The following RREB1 variants were observed in gnomAD, a reference collection of about 807,000 sequenced individuals.
The protein encoded by RREB1 is ras-responsive element-binding protein 1.
A neutral mutation model predicts 117.8 loss-of-function variants in RREB1; 27 were observed. The observed-to-expected ratio is 0.23, with a 90% confidence interval of 0.17 to 0.32. The LOEUF (loss-of-function observed/expected upper bound fraction) is 0.32, where lower values mean the gene tolerates loss of function less well. RREB1 is among the 10% of genes least tolerant of loss of function. The pLI is 1.00. For missense variants in RREB1, 2,577 were observed against 2,378.2 expected (o/e 1.08, Z -1.74); for synonymous variants, 1,298 against 1,026.7 (o/e 1.26, Z -5.05).
intron 8 of RREB1, chr6:7,218,598 T>G (rs1581554824): frequency 6.6e-6 from 1 of 152,190 alleles, no homozygotes; most frequent in Non-Finnish European, 1.5e-5. Flanking sequence ...CTAGGCTCAG[T>G]TACTGGCTAC....
intron 1 of RREB1, among the ~76,000 whole-genome samples, chr6:7,124,716 T>C (rs1413061523): frequency 6.6e-6 from 1 of 152,260 alleles, no homozygotes; most frequent in Non-Finnish European, 1.5e-5. Context: ...ATCTAACATT[T>C]ATTGAGCCTG....
chr6:7,131,426 C>T (rs1029262813), intron 1 of RREB1, among the ~76,000 whole-genome samples: 1 of 152,130 alleles, frequency 6.6e-6, no homozygotes. Context: ...AGGCATTATA[C>T]CTCTTGCAGT....
chr6:7,179,843 G>A (rs1225867346), intron 2 of RREB1, among the ~76,000 whole-genome samples: 3 of 151,818 alleles, frequency 2.0e-5, no homozygotes, highest in Non-Finnish European at 4.4e-5. Flanking sequence ...TAGAGATAGG[G>A]TCTTGCTGTG....
intron 1 of RREB1, among the ~76,000 whole-genome samples, chr6:7,116,754 A>T (rs1016809547): frequency 2.6e-5 from 4 of 152,264 alleles, no homozygotes; most frequent in Non-Finnish European, 5.9e-5. Context: ...AATTACAGAA[A>T]TTCTAAAATA....
chr6:7,237,021 C>A (rs559275854), intron 10 of RREB1, among the ~76,000 whole-genome samples: 2 of 149,436 alleles, frequency 1.3e-5, no homozygotes, highest in African/African-American at 4.9e-5. Context: ...TGGCTGAGTT[C>A]AAGTGATCCT....
chr6:7,173,215 T>G (rs1412954047), intron 1 of RREB1, among the ~76,000 whole-genome samples: 1 of 152,160 alleles, frequency 6.6e-6, no homozygotes, highest in Non-Finnish European at 1.5e-5. Context: ...GCATCTAAAC[T>G]TATTCCACAT....
chr6:7,249,103 GAC>G lies in RREB1; in HGVS notation c.*137_*138del, dbSNP rs1421253644. On this transcript the variant is annotated 3_prime_UTR_variant, in exon 13 of 13. Transcript: ENST00000379938. Reference sequence around the variant, plus strand: ...AGAGAGAGAGAGAGAGAGAGAGAGAGACAAGCAGGAGCGTGGCTGCTCGCTCA... The same window carrying G: ...AGAGAGAGAGAGAGAGAGAGAGAGAGAAGCAGGAGCGTGGCTGCTCGCTCA... The G allele has an allele frequency of 1.5e-5, 9 of 615,866 alleles. No individual in the cohort carries two copies. The highest frequency in any genetic ancestry group is 6.9e-5 in the Admixed American group (2 of 29,090). 38.2% of individuals were successfully genotyped at this position (615,866 alleles called of 1,614,324 possible). A position where few individuals can be genotyped will look rare whatever the true frequency, so the allele number is the denominator to read the frequency against.
chr6:7,235,729 C>G (rs1036621091), intron 10 of RREB1, among the ~76,000 whole-genome samples: 2 of 152,170 alleles, frequency 1.3e-5, no homozygotes, highest in South Asian at 2.1e-4. Context: ...CTCCTCCTAC[C>G]CCCTCAGCAG....
rs769476572 is a variant in RREB1, at chr6:7,230,912, C to T, written c.2813C>T (p.Ser938Phe). The T allele has an allele frequency of 1.9e-6, 3 of 1,614,138 alleles. No homozygotes were observed. Among genetic ancestry groups the T allele is most frequent in the Non-Finnish European group, 2.5e-6 (3 of 1,180,002 alleles). ...TGCTCCATGGAGCCCATCGACCTGT[C>T]CATCCCCAAGAACTTCAGGAAAGGG... ...YDCSMEPIDL[S>F]IPKNFRKGDK... Residue 938 changes from serine to phenylalanine, a missense_variant, in exon 10 of 13, where the codon TCC becomes TTC. Ser to Phe is a radical substitution (Grantham distance 155). Transcript: ENST00000379938.
At position 7,230,157 on chromosome 6, in the gene RREB1, C is replaced by A; in HGVS notation, c.2058C>A (p.Leu686=). 6.2e-7 allele frequency: 1 copy of A among 1,606,704 alleles called. No individual in the cohort carries two copies. The highest frequency in any genetic ancestry group is 8.5e-7 in the Non-Finnish European group (1 of 1,179,422). Residue 686 remains leucine, a synonymous_variant, in exon 10 of 13, where the codon CTC becomes CTA. Coordinates refer to ENST00000379938, the MANE Select transcript of RREB1 (RefSeq NM_001003699.4). ...ACATCGCCGCCGACAAGGCCGCGCT[C>A]ATCCGCCACCTGCGCACGCACAGTG... ...CDYIAADKAA[L]IRHLRTHSGE... is the part of the protein sequence containing the mutation.
In RREB1 at chr6:7,246,680, G is replaced by A. The variant is rs115475946; in HGVS notation, c.4230G>A (p.Ala1410=). ...ACGCCGACGGCGCGGAAGAGGACGC[G>A]TCGAGCAACCAGAGCCTGGACCTGG... ...TGDADGAEED[A]SSNQSLDLDF... Residue 1410 remains alanine, a synonymous_variant, in exon 12 of 13, where the codon GCG becomes GCA. Transcript: ENST00000379938. 2.0e-3 allele frequency: 3,239 copies of A among 1,582,930 alleles called. 7 individuals are homozygous for A. Among genetic ancestry groups the A allele is most frequent in the Non-Finnish European group, 2.5e-3 (2,931 of 1,164,830 alleles).
chr6:7,236,121 C>T (rs1561802380), intron 10 of RREB1, among the ~76,000 whole-genome samples: 1 of 152,176 alleles, frequency 6.6e-6, no homozygotes, highest in East Asian at 1.9e-4. Context: ...TGCACTGTTC[C>T]TGCCTTTACC....
intron 12 of RREB1, among the ~76,000 whole-genome samples, chr6:7,247,977 C>A (rs1329063420): frequency 6.6e-6 from 1 of 152,248 alleles, no homozygotes; most frequent in Non-Finnish European, 1.5e-5. Context: ...CTGCGCTTGC[C>A]CGTGTGAAGG....
chr6:7,235,261 G>A (rs1768247260), intron 10 of RREB1, among the ~76,000 whole-genome samples: 1 of 152,136 alleles, frequency 6.6e-6, no homozygotes, highest in Non-Finnish European at 1.5e-5. Flanking sequence ...AAGGAGCCTG[G>A]GAAGTCACCT....
At chr6:7,208,414 A>G (rs557921287) in intron 6 of RREB1, among the ~76,000 whole-genome samples, 1 of 152,356 alleles carries the variant, frequency 6.6e-6, no homozygotes, top group South Asian at 2.1e-4. Flanking sequence ...CCAACCCTGC[A>G]GTTCACCCGT....
At chr6:7,161,527 G>A (rs1763663358) in intron 1 of RREB1, among the ~76,000 whole-genome samples, 2 of 152,188 alleles carry the variant, frequency 1.3e-5, no homozygotes, top group South Asian at 2.1e-4. Context: ...ATGGTTGCCT[G>A]TGTTTGTGTT....
chr6:7,233,843 C>T (rs545582245), intron 10 of RREB1, among the ~76,000 whole-genome samples: 17 of 152,162 alleles, frequency 1.1e-4, no homozygotes, highest in Admixed American at 9.8e-4. Flanking sequence ...ATGGAGCCAC[C>T]GCTGGATACC....
chr6:7,188,473 G>A (rs1311904992), intron 5 of RREB1, among the ~76,000 whole-genome samples: 1 of 152,024 alleles, frequency 6.6e-6, no homozygotes, highest in African/African-American at 2.4e-5. Context: ...TAGTATAAAC[G>A]TACATAACAC....
chr6:7,229,239 C>T lies in RREB1; in HGVS notation c.1140C>T (p.Ala380=), dbSNP rs1179618190. ...CCAAAGACGTCAGGCCTGCCCCCGCCGAGGAGCCCCTGCCGGATGACAACC... is the reference window on the plus strand; with the variant it reads ...CCAAAGACGTCAGGCCTGCCCCCGCTGAGGAGCCCCTGCCGGATGACAACC... ...QHTKDVRPAP[A]EEPLPDDNQA... is the part of the protein sequence containing the mutation. The change falls in exon 10 of 13, where the codon GCC becomes GCT. Residue 380 remains alanine, a synonymous_variant. Transcript: ENST00000379938. The surrounding 1 kb of genome is among the most constrained non-coding windows in gnomAD (Gnocchi z 4.5). The T allele has an allele frequency of 4.3e-6, 7 of 1,613,958 alleles. No individual in the cohort carries two copies. Among genetic ancestry groups the T allele is most frequent in the African/African-American group, 2.7e-5 (2 of 74,906 alleles).
Sources: gnomAD v4.1 joint callset for allele counts (sites outside exome capture counted in the v4.1 genomes callset) on GRCh38, gnomAD v4.1.1 for gene constraint, Gnocchi (gnomAD v3.1) non-coding constraint, MANE v1.5 for transcripts, NCBI Gene and HGNC (gene_info 2026-07-23, HGNC 2026-07-21) for gene names.